UGT2B17: variants seen among roughly 807,000 people sequenced by gnomAD.
UGT2B17 encodes UDP-glucuronosyltransferase 2B17.
Under a neutral mutation model 48.2 loss-of-function variants are expected in UGT2B17, and 21 were observed. The observed-to-expected ratio is 0.44, with a 90% CI of 0.31 to 0.63. UGT2B17 has a LOEUF of 0.63. UGT2B17 is among the 20% of genes least tolerant of loss of function. UGT2B17 has a pLI of 0.08. For missense variants in UGT2B17, 402 were observed against 696.1 expected (o/e 0.58, Z 4.75); for synonymous variants, 146 against 238.4 (o/e 0.61, Z 3.57).
At chr4:68,557,439 A>G (rs1731022481) in intron 4 of UGT2B17, among the ~76,000 whole-genome samples, 1 of 125,460 alleles carries the variant, frequency 8.0e-6, no homozygotes, top group Non-Finnish European at 1.7e-5. Context: ...CAAGCAGAAC[A>G]GGAATTAACT....
intron 6 of UGT2B17, among the ~76,000 whole-genome samples, chr4:68,541,944 A>AGATGGCTGTAGATGTGTG (rs1730666860): frequency 7.9e-6 from 1 of 126,490 alleles, no homozygotes; most frequent in Non-Finnish European, 1.7e-5. Flanking sequence ...GTCGAAGATC[A>AGATGGCTGTAGATGTGTG]GATGGCTGTA....
chr4:68,565,850 A>G, intron 2 of UGT2B17, 130 bp from the exon 3 acceptor site: 1 of 621,152 alleles, frequency 1.6e-6, no homozygotes. Flanking sequence ...ATGTCTGCAC[A>G]TTGATAATAT....
In UGT2B17 at chr4:68,576,229, G is replaced by A. The variant is rs1382036359; in HGVS notation, c.-343C>T. ...GGAGCCAAGAAATGTAGCAGGACGA[G>A]CCACAGACAAAACCTCTCAGACATC... On this transcript the variant is annotated 5_prime_UTR_variant, in exon 1 of 7. Transcript: ENST00000317746. Among the ~76,000 whole-genome samples, 35 of 125,926 alleles carry A rather than the reference G, an allele frequency of 2.8e-4. 7 individuals carry two copies. Among genetic ancestry groups the A allele is most frequent in the African/African-American group, 9.0e-4 (33 of 36,650 alleles). The allele number at this position is 125,926 out of a possible 152,430, so 82.6% of individuals were successfully genotyped here.
chr4:68,558,098 T>TA lies in UGT2B17; in HGVS notation c.1005+2438dup, dbSNP rs1390825712. Among the ~76,000 whole-genome samples the TA allele has an allele frequency of 3.2e-5, 4 of 123,112 alleles. 1 individual carries two copies. Among genetic ancestry groups the TA allele is most frequent in the Admixed American group, 1.7e-4 (2 of 11,790 alleles). The allele number at this position is 123,112 out of a possible 152,430, so 80.8% of individuals were successfully genotyped here. A position where few individuals can be genotyped will look rare whatever the true frequency, so the allele number is the denominator to read the frequency against. On this transcript the variant is annotated intron_variant, in intron 4 of 6. Coordinates refer to ENST00000317746, the MANE Select transcript of UGT2B17 (RefSeq NM_001077.4). ...AAGCCACTTTAAAAGCCTATGTAAATAAAAAATTATTCTTCCTCCTCTGTA... is the reference window on the plus strand; with the variant it reads ...AAGCCACTTTAAAAGCCTATGTAAATAAAAAAATTATTCTTCCTCCTCTGTA...
At chr4:68,575,131 T>A (rs1163109342) in intron 1 of UGT2B17, among the ~76,000 whole-genome samples, 4 of 124,154 alleles carry the variant, frequency 3.2e-5, no homozygotes, top group African/African-American at 1.1e-4. Context: ...TCAATTATCC[T>A]TTGCTATTAA....
intron 4 of UGT2B17, among the ~76,000 whole-genome samples, chr4:68,553,594 A>G (rs1473608640): frequency 8.0e-6 from 1 of 125,238 alleles, no homozygotes; most frequent in African/African-American, 2.7e-5. Context: ...ATTACCACAG[A>G]TTACCTTGTA....
chr4:68,564,973 T>G (rs373227134), intron 3 of UGT2B17, among the ~76,000 whole-genome samples: 3 of 125,250 alleles, frequency 2.4e-5, no homozygotes, highest in Non-Finnish European at 5.1e-5. Flanking sequence ...CTCCCAAAAT[T>G]CAGGGATTAT....
intron 6 of UGT2B17, among the ~76,000 whole-genome samples, chr4:68,545,630 C>T (rs1730786491): frequency 8.0e-6 from 1 of 125,272 alleles, no homozygotes; most frequent in African/African-American, 2.7e-5. Flanking sequence ...ATCAATGAAT[C>T]CAAGAGCTGG....
rs539656773 is a variant in UGT2B17, at chr4:68,549,663, G to C, written c.1313+1014C>G. On this transcript the variant is annotated intron_variant, in intron 6 of 6. Coordinates refer to ENST00000317746, the MANE Select transcript of UGT2B17 (RefSeq NM_001077.4). ...GACAGGTGATAACAAGTGTTGGGAA[G>C]AGTGTGAAGAAATTAGAGCCCTCCT... is the stretch of plus-strand genomic sequence containing the variant. Among the ~76,000 whole-genome samples the C allele has an allele frequency of 4.0e-5, 5 of 125,516 alleles. 2 individuals are homozygous for C. Among genetic ancestry groups the C allele is most frequent in the Non-Finnish European group, 5.1e-5 (3 of 59,214 alleles). 82.3% of individuals were successfully genotyped at this position (125,516 alleles called of 152,430 possible). A position where few individuals can be genotyped will look rare whatever the true frequency, so the allele number is the denominator to read the frequency against.
In UGT2B17 at chr4:68,557,563, T is replaced by C. The variant is rs1269265442; in HGVS notation, c.1005+2974A>G. 4.8e-5 allele frequency among the ~76,000 whole-genome samples: 6 copies of C among 124,904 alleles called. 1 individual carries two copies. Among genetic ancestry groups the C allele is most frequent in the African/African-American group, 1.4e-4 (5 of 36,874 alleles). The allele number at this position is 124,904 out of a possible 152,430, so 81.9% of individuals were successfully genotyped here. ...TTAGAGTGAAGGAATCTTTCTTTTTTTGAGCTATTAACAGCTTTTAACAAT... is the reference window on the plus strand; with the variant it reads ...TTAGAGTGAAGGAATCTTTCTTTTTCTGAGCTATTAACAGCTTTTAACAAT... On this transcript the variant is annotated intron_variant, in intron 4 of 6. Coordinates refer to ENST00000317746, the MANE Select transcript of UGT2B17 (RefSeq NM_001077.4).
At chr4:68,570,152 G>T (rs1402450343) in intron 1 of UGT2B17, among the ~76,000 whole-genome samples, 1 of 126,632 alleles carries the variant, frequency 7.9e-6, no homozygotes, top group Non-Finnish European at 1.7e-5. Context: ...TGGGAGCATC[G>T]GCAAGCTACT....
Position 68,546,915 on chromosome 4 carries a change from G to C in UGT2B17, c.1313+3762C>G, listed in dbSNP as rs377584596. Among the ~76,000 whole-genome samples, 5 of 124,756 alleles carry C rather than the reference G, an allele frequency of 4.0e-5. 2 individuals are homozygous for C. The highest frequency in any genetic ancestry group is 1.4e-4 in the African/African-American group (5 of 36,558). 81.8% of individuals were successfully genotyped at this position (124,756 alleles called of 152,430 possible). A position where few individuals can be genotyped will look rare whatever the true frequency, so the allele number is the denominator to read the frequency against. Reference sequence around the variant, plus strand: ...AGGAGAACTACAAACCACTGCTCAAGGAAATAAAAGAGGAAACAAACCAAT... The same window carrying C: ...AGGAGAACTACAAACCACTGCTCAACGAAATAAAAGAGGAAACAAACCAAT... On this transcript the variant is annotated intron_variant, in intron 6 of 6. Transcript: ENST00000317746.
intron 2 of UGT2B17, among the ~76,000 whole-genome samples, chr4:68,567,168 T>A (rs1731215805): frequency 7.9e-6 from 1 of 126,272 alleles, no homozygotes; most frequent in African/African-American, 2.7e-5. Flanking sequence ...ATGTTCACTT[T>A]CAACAAGATT....
Position 68,568,949 on chromosome 4 carries a change from A to G in UGT2B17, c.-64-401T>C, listed in dbSNP as rs1438373881. Among the ~76,000 whole-genome samples, 8 of 139,728 alleles carry G rather than the reference A, an allele frequency of 5.7e-5. 1 individual carries two copies. The highest frequency in any genetic ancestry group is 1.3e-4 in the Non-Finnish European group (8 of 63,902). The allele number at this position is 139,728 out of a possible 152,430, so 91.7% of individuals were successfully genotyped here. A position where few individuals can be genotyped will look rare whatever the true frequency, so the allele number is the denominator to read the frequency against. The stretch of plus-strand genomic sequence containing the variant: ...TTTTACTTTCACTACAATAATCAGT[A>G]TTATCTCCAAAAGATTCTATACAAT... On this transcript the variant is annotated intron_variant, in intron 1 of 6. Coordinates refer to ENST00000317746, the MANE Select transcript of UGT2B17 (RefSeq NM_001077.4).
At chr4:68,548,513 C>A (rs749511225) in intron 6 of UGT2B17, among the ~76,000 whole-genome samples, 1 of 124,610 alleles carries the variant, frequency 8.0e-6, no homozygotes, top group Non-Finnish European at 1.7e-5. Flanking sequence ...CAACATGGCA[C>A]ATGTATACAT....
At position 68,562,093 on chromosome 4, in the gene UGT2B17, A is replaced by C. The variant is rs1731114118; in HGVS notation, c.874-1425T>G. On this transcript the variant is annotated intron_variant, in intron 3 of 6. Transcript: ENST00000317746. The stretch of plus-strand genomic sequence containing the variant: ...CAAAAATATAATTGAACTTTATGAC[A>C]TCTTTTATTTTTATTTTATTTTATT... Among the ~76,000 whole-genome samples the C allele has an allele frequency of 1.6e-5, 2 of 125,244 alleles. 1 individual carries two copies. Among genetic ancestry groups the C allele is most frequent in the South Asian group, 7.3e-4 (2 of 2,724 alleles). 82.2% of individuals were successfully genotyped at this position (125,244 alleles called of 152,430 possible). A position where few individuals can be genotyped will look rare whatever the true frequency, so the allele number is the denominator to read the frequency against.
In UGT2B17 at chr4:68,544,560, CA is replaced by C. The variant is rs1730755761; in HGVS notation, c.1313+6116del. 1.6e-5 allele frequency among the ~76,000 whole-genome samples: 2 copies of C among 125,372 alleles called. 1 individual carries two copies. The highest frequency in any genetic ancestry group is 5.5e-5 in the African/African-American group (2 of 36,670). The allele number at this position is 125,372 out of a possible 152,430, so 82.2% of individuals were successfully genotyped here. A position where few individuals can be genotyped will look rare whatever the true frequency, so the allele number is the denominator to read the frequency against. On this transcript the variant is annotated intron_variant, in intron 6 of 6. Transcript: ENST00000317746. ...ACTATCGAGCAAAACAATCAGCTAA[CA>C]TCATAATGACAGGATCAAATTTACA...
rs1405536366 is a variant in UGT2B17 at position 68,561,295 on chromosome 4, C to T, written c.874-627G>A. On this transcript the variant is annotated intron_variant, in intron 3 of 6. Transcript: ENST00000317746. ...CTCACTTCCCCCGACACCCCCACCC[C>T]CAAAAAACACCTTAAAAGCTGAAGT... Among the ~76,000 whole-genome samples the T allele has an allele frequency of 1.6e-5, 2 of 121,270 alleles. 1 individual carries two copies. Among genetic ancestry groups the T allele is most frequent in the East Asian group, 1.6e-3 (2 of 1,246 alleles). The allele number at this position is 121,270 out of a possible 152,430, so 79.6% of individuals were successfully genotyped here.
chr4:68,569,307 G>A (rs1381013575), intron 1 of UGT2B17, among the ~76,000 whole-genome samples: 3 of 127,878 alleles, frequency 2.3e-5, no homozygotes, highest in Non-Finnish European at 3.3e-5. Flanking sequence ...ATGGAAGTGG[G>A]AAAGGGTGAT....
Sources: gnomAD v4.1 joint callset for allele counts (sites outside exome capture counted in the v4.1 genomes callset) on GRCh38, gnomAD v4.1.1 for gene constraint, MANE v1.5 for transcripts, NCBI Gene and HGNC (gene_info 2026-07-23, HGNC 2026-07-21) for gene names.